The following COL6A6 variants were observed in gnomAD, a reference collection of about 807,000 sequenced individuals.
COL6A6 encodes the protein collagen type VI alpha 6 chain.
COL6A6 carries 183 observed loss-of-function variants against 208.6 expected under a neutral mutation model. The ratio of observed to expected loss-of-function variants is 0.88; its 90% CI spans 0.78 to 0.99. COL6A6 has a LOEUF of 0.99. Ranked by LOEUF, COL6A6 falls within the 50% of genes least tolerant of loss-of-function variation. The pLI, the probability that COL6A6 is intolerant of heterozygous loss-of-function variation, is 0.00. For missense variants in COL6A6, 2,816 were observed against 2,815.2 expected (o/e 1.00, Z -0.01); for synonymous variants, 973 against 1,011.8 (o/e 0.96, Z 0.73).
chr3:130,625,852 G>A (rs2064869789), intron 24 of COL6A6, among the ~76,000 whole-genome samples: 1 of 152,146 alleles, frequency 6.6e-6, no homozygotes, highest in Admixed American at 6.5e-5. Context: ...GTTAAAAATA[G>A]GGGCAAATTG....
At chr3:130,585,319 C>A (rs550522590) in intron 10 of COL6A6, among the ~76,000 whole-genome samples, 58 of 152,222 alleles carry the variant, frequency 3.8e-4, no homozygotes, top group African/African-American at 1.3e-3. Context: ...GGTAAAAAAC[C>A]TAAAAATACC....
At chr3:130,671,977 G>T (rs899566076) in intron 36 of COL6A6, among the ~76,000 whole-genome samples, 3 of 152,220 alleles carry the variant, frequency 2.0e-5, no homozygotes, top group African/African-American at 7.2e-5. Flanking sequence ...CAATTGAATT[G>T]TAAAAATGGA....
At chr3:130,548,464 G>C (rs964574014) in intron 1 of COL6A6, among the ~76,000 whole-genome samples, 12 of 152,202 alleles carry the variant, frequency 7.9e-5, no homozygotes, top group African/African-American at 2.7e-4. Context: ...CAAATCTAAA[G>C]GGGGTTGGAG....
At chr3:130,586,461 A>T in intron 10 of COL6A6, 45 bp from the exon 11 acceptor site, 1 of 1,552,562 alleles carries the variant, frequency 6.4e-7, no homozygotes, top group Non-Finnish European at 8.7e-7. Context: ...AAACTAAAGT[A>T]ACCAAACCCA....
intron 23 of COL6A6, among the ~76,000 whole-genome samples, chr3:130,621,142 T>C (rs1045773933): frequency 2.0e-5 from 3 of 152,212 alleles, no homozygotes; most frequent in African/African-American, 4.8e-5. Flanking sequence ...TTATCATCTG[T>C]TTAAGTTTTG....
rs779001805 is a variant in COL6A6, at chr3:130,566,778, T to A, written c.1359T>A (p.His453Gln). 2 of 1,613,850 alleles carry A rather than the reference T, an allele frequency of 1.2e-6. No individual in the cohort carries two copies. The highest frequency in any genetic ancestry group is 2.7e-5 in the African/African-American group (2 of 74,908). The change falls in exon 5 of 37, where the codon CAT (histidine) becomes CAA (glutamine). Residue 453 changes from histidine to glutamine, a missense_variant. Coordinates refer to ENST00000358511, the MANE Select transcript of COL6A6 (RefSeq NM_001102608.3). ...GSGSTQATDFHEMKTFLSEVV... is the reference protein window; with the variant it reads ...GSGSTQATDFQEMKTFLSEVV... ...GGAGCACCCAGGCCACAGATTTCCA[T>A]GAAATGAAGACGTTCCTGTCAGAGG...
chr3:130,675,923 T>C lies in COL6A6; in HGVS notation c.*526T>C, dbSNP rs2066348513. On this transcript the variant is annotated 3_prime_UTR_variant, in exon 37 of 37. Transcript: ENST00000358511. ...CCACTTAAACACACCACTGTGGGAG[T>C]TGTTTGCTTGGACTGATGAGAAGAG... 6.6e-6 allele frequency: 1 copy of C among 152,158 alleles called. No individual in the cohort carries two copies. The highest frequency in any genetic ancestry group is 1.5e-5 in the Non-Finnish European group (1 of 68,050). 9.4% of individuals were successfully genotyped at this position (152,158 alleles called of 1,614,324 possible). A position where few individuals can be genotyped will look rare whatever the true frequency, so the allele number is the denominator to read the frequency against.
At position 130,567,070 on chromosome 3, in the gene COL6A6, G is replaced by T. The variant is rs776921608; in HGVS notation, c.1651G>T (p.Asp551Tyr). 6.2e-7 allele frequency: 1 copy of T among 1,613,996 alleles called. No individual in the cohort carries two copies. Among genetic ancestry groups the T allele is most frequent in the South Asian group, 1.1e-5 (1 of 91,082 alleles). The change falls in exon 5 of 37, where the codon GAT becomes TAT. Residue 551 changes from aspartate (D) to tyrosine (Y), a missense_variant. Coordinates refer to ENST00000358511, the MANE Select transcript of COL6A6 (RefSeq NM_001102608.3). ...LVVLTNGMSK[D>Y]SILEPANRLR... ...TGTCCTGACAAATGGCATGTCCAAG[G>T]ATAGCATCTTGGAGCCTGCAAACAG...
chr3:130,662,115 G>A lies in COL6A6; in HGVS notation c.6309G>A (p.Lys2103=). 3.1e-6 allele frequency: 5 copies of A among 1,614,008 alleles called. No individual in the cohort carries two copies. The highest frequency in any genetic ancestry group is 4.2e-6 in the Non-Finnish European group (5 of 1,179,874). The change falls in exon 35 of 37, where the codon AAG becomes AAA. Residue 2103 remains lysine, a synonymous_variant. Transcript: ENST00000358511. ...TSHLDGEILK[K]ESLRAKCQGY... is the part of the protein sequence containing the mutation. ...ACTTAGATGGGGAAATCTTAAAGAA[G>A]GAATCCTTGCGAGCCAAATGTCAGG...
Position 130,567,385 on chromosome 3 carries a change from A to G in COL6A6, c.1843+123A>G, listed in dbSNP as rs1295492909. ...TAAGTTGAGATTTGTTAACTTGTGT[A>G]ACTGTGTTCTCTAGAACAAAGCTAA... On this transcript the variant is annotated intron_variant, in intron 5 of 36. Transcript: ENST00000358511. 3 of 756,352 alleles carry G rather than the reference A, an allele frequency of 4.0e-6. No homozygotes were observed. The East Asian group carries it at 8.1e-5, about 20-fold the overall frequency. 46.9% of individuals were successfully genotyped at this position (756,352 alleles called of 1,614,324 possible).
At chr3:130,547,411 G>C (rs1289745660) in intron 1 of COL6A6, among the ~76,000 whole-genome samples, 1 of 152,258 alleles carries the variant, frequency 6.6e-6, no homozygotes, top group Non-Finnish European at 1.5e-5. Flanking sequence ...TGCAAGCACT[G>C]CACACAGCCC....
chr3:130,600,472 G>A (rs536653727), intron 20 of COL6A6, among the ~76,000 whole-genome samples: 244 of 152,194 alleles, frequency 1.6e-3, no homozygotes, highest in Admixed American at 5.7e-3. Context: ...ACCCAAATGC[G>A]CATCAATGAT....
In COL6A6 at chr3:130,570,973, T is replaced by C. The variant is rs1273699597; in HGVS notation, c.2557T>C (p.Tyr853His). 6.2e-7 allele frequency: 1 copy of C among 1,613,874 alleles called. No individual in the cohort carries two copies. Among genetic ancestry groups the C allele is most frequent in the Admixed American group, 1.7e-5 (1 of 60,002 alleles). ...TCAGGTCCGGTTTGGGGCTCTGAAG[T>C]ATGCTGATGACCCAGAGGTGCTGTT... ...KNQVRFGALK[Y>H]ADDPEVLFYL... is the part of the protein sequence containing the mutation. Residue 853 changes from tyrosine to histidine, a missense_variant, in exon 7 of 37, where the codon TAT (tyrosine) becomes CAT (histidine). Physicochemically the swap from Tyr to His is moderately conservative, Grantham distance 83. Transcript: ENST00000358511.
chr3:130,627,396 C>T (rs566132953), intron 26 of COL6A6, 27 bp downstream of exon 26: 65 of 1,609,474 alleles, frequency 4.0e-5, no homozygotes, highest in East Asian at 1.8e-4. Flanking sequence ...GGAAGCTGGA[C>T]GTTTTCCATT....
intron 32 of COL6A6, among the ~76,000 whole-genome samples, chr3:130,648,361 C>CTA (rs2065522040): frequency 6.6e-6 from 1 of 152,216 alleles, no homozygotes; most frequent in African/African-American, 2.4e-5. Context: ...TTATTGAGCA[C>CTA]CTACTATGTG....
chr3:130,642,405 G>T (rs2065342313), intron 29 of COL6A6, among the ~76,000 whole-genome samples: 1 of 152,116 alleles, frequency 6.6e-6, no homozygotes, highest in Non-Finnish European at 1.5e-5. Flanking sequence ...CTGCTGTTCA[G>T]TGGCTCAGTC....
chr3:130,576,658 A>G (rs1456082806), intron 8 of COL6A6, among the ~76,000 whole-genome samples: 3 of 42,694 alleles, frequency 7.0e-5, no homozygotes, highest in Non-Finnish European at 1.4e-4. Context: ...TTAAATAGTC[A>G]TGAATGCAAA....
At chr3:130,665,186 C>A (rs1230078394) in intron 36 of COL6A6, 90 bp downstream of exon 36, 2 of 806,504 alleles carry the variant, frequency 2.5e-6, no homozygotes, top group Non-Finnish European at 3.9e-6. Context: ...TTTTCTTCCT[C>A]CTCCATCTTA....
At position 130,594,307 on chromosome 3, in the gene COL6A6, T is replaced by C; in HGVS notation, c.4497T>C (p.Pro1499=). ...SQGSPGKRGT[P]GDRGAKGLRG... is the part of the protein sequence containing the mutation. ...GAAGCCCAGGGAAGAGAGGGACTCC[T>C]GGTGACCGTGGAGCAAAGGGCCTGC... Residue 1499 remains proline, a synonymous_variant, in exon 18 of 37, where the codon CCT becomes CCC. Transcript: ENST00000358511. The C allele has an allele frequency of 6.2e-7, 1 of 1,613,554 alleles. No individual in the cohort carries two copies. Among genetic ancestry groups the C allele is most frequent in the Non-Finnish European group, 8.5e-7 (1 of 1,179,666 alleles).
Sources: gnomAD v4.1 joint callset for allele counts (sites outside exome capture counted in the v4.1 genomes callset) on GRCh38, gnomAD v4.1.1 for gene constraint, MANE v1.5 for transcripts, NCBI Gene and HGNC (gene_info 2026-07-23, HGNC 2026-07-21) for gene names.